Variants in TAS2R1 observed in about 807,000 individuals in gnomAD.
TAS2R1 encodes the protein taste receptor type 2 member 1.
For missense variants in TAS2R1, 370 were observed against 353.4 expected (o/e 1.05, Z -0.38); for synonymous variants, 141 against 134.2 (o/e 1.05, Z -0.35).
At chr5:9,633,165 G>A (rs1023917161), upstream of TAS2R1, among the ~76,000 whole-genome samples, 1 of 151,006 alleles carries the variant, frequency 6.6e-6, no homozygotes, top group Non-Finnish European at 1.5e-5. Context: ...ACTACTCTTA[G>A]GTAACTAGAT....
chr5:9,764,755 C>T, the TAS2R1 span, among the ~76,000 whole-genome samples: 2 of 152,138 alleles, frequency 1.3e-5, no homozygotes, highest in Non-Finnish European at 2.9e-5. Flanking sequence ...GCACAGGATA[C>T]AGCAATTTCA....
the TAS2R1 span, among the ~76,000 whole-genome samples, chr5:9,842,315 TC>T: frequency 1.8e-3 from 150 of 85,044 alleles, 2 homozygotes; most frequent in African/African-American, 2.4e-3. Flanking sequence ...TTTCTTTCTC[TC>T]TTTTTTTTTT....
chr5:9,776,208 C>T, the TAS2R1 span, among the ~76,000 whole-genome samples: 2 of 152,184 alleles, frequency 1.3e-5, no homozygotes, highest in Admixed American at 1.3e-4. Flanking sequence ...GTTTTGCTTT[C>T]CACTGTGACA....
chr5:9,692,566 C>T (rs1273094014), intron 1 of TAS2R1, among the ~76,000 whole-genome samples: 3 of 152,220 alleles, frequency 2.0e-5, no homozygotes, highest in Admixed American at 6.5e-5. Flanking sequence ...CTGCCATCTG[C>T]TTCCAGTAAG....
upstream of TAS2R1, among the ~76,000 whole-genome samples, chr5:9,631,542 A>T (rs528524408): frequency 6.6e-4 from 100 of 152,272 alleles, 1 homozygote; most frequent in South Asian, 1.5e-3. Context: ...ACTCCCAGCC[A>T]AGTTAGTTCT....
the TAS2R1 span, among the ~76,000 whole-genome samples, chr5:9,857,115 G>T: frequency 6.6e-6 from 1 of 152,198 alleles, no homozygotes; most frequent in Non-Finnish European, 1.5e-5. Context: ...GAAGCATAGA[G>T]TAGAATTGTG....
the TAS2R1 span, among the ~76,000 whole-genome samples, chr5:9,753,216 T>A: frequency 6.6e-6 from 1 of 152,226 alleles, no homozygotes; most frequent in Non-Finnish European, 1.5e-5. Context: ...ACCGGTTGTT[T>A]CCTGACATTT....
chr5:9,689,735 T>G (rs1328396047), intron 1 of TAS2R1, among the ~76,000 whole-genome samples: 1 of 152,052 alleles, frequency 6.6e-6, no homozygotes, highest in Non-Finnish European at 1.5e-5. Flanking sequence ...ATACTAAATA[T>G]TAAACGTTTT....
chr5:9,679,389 A>G (rs1386564317), intron 1 of TAS2R1, among the ~76,000 whole-genome samples: 1 of 152,258 alleles, frequency 6.6e-6, no homozygotes, highest in African/African-American at 2.4e-5. Flanking sequence ...GATCCCAGGA[A>G]GAAATTTAAA....
chr5:9,739,449 G>T, the TAS2R1 span, among the ~76,000 whole-genome samples: 4,935 of 152,236 alleles, frequency 0.032, 109 homozygotes, highest in Middle Eastern at 0.061. Context: ...TTTGAAAATG[G>T]AATTAATAAA....
At chr5:9,746,269 G>A in the TAS2R1 span, among the ~76,000 whole-genome samples, 3 of 152,164 alleles carry the variant, frequency 2.0e-5, no homozygotes, top group Non-Finnish European at 4.4e-5. Flanking sequence ...GGAAACAACA[G>A]GTGCTGGAGA....
intron 2 of TAS2R1, among the ~76,000 whole-genome samples, chr5:9,635,978 T>C (rs2126477802): frequency 6.6e-6 from 1 of 152,132 alleles, no homozygotes; most frequent in Non-Finnish European, 1.5e-5. Flanking sequence ...TTCTGCCAGG[T>C]TTGGGGTTTG....
At chr5:9,768,150 A>T in the TAS2R1 span, among the ~76,000 whole-genome samples, 1 of 151,826 alleles carries the variant, frequency 6.6e-6, no homozygotes, top group East Asian at 1.9e-4. Flanking sequence ...ATGCCAACAC[A>T]TCCCTCTCTG....
chr5:9,694,660 G>A lies in TAS2R1; in HGVS notation c.-242+17512C>T, dbSNP rs115396763. Among the ~76,000 whole-genome samples, 1,190 of 152,142 alleles carry A rather than the reference G, an allele frequency of 7.8e-3. 26 individuals carry two copies. Among genetic ancestry groups the A allele is most frequent in the African/African-American group, 0.027 (1,139 of 41,524 alleles). ...CATGTTACCTTATTTTAAATCTACC[G>A]TAACTCATGATATATTTTGCCAATA... On this transcript the variant is annotated intron_variant, in intron 1 of 2. Coordinates refer to the TAS2R1 transcript ENST00000506620.
the TAS2R1 span, among the ~76,000 whole-genome samples, chr5:9,745,927 C>G: frequency 6.6e-6 from 1 of 152,030 alleles, no homozygotes; most frequent in Non-Finnish European, 1.5e-5. Context: ...GGGATCTAAT[C>G]AAACTAAAGA....
chr5:9,656,410 C>T (rs555786230), intron 2 of TAS2R1, among the ~76,000 whole-genome samples: 21 of 152,290 alleles, frequency 1.4e-4, no homozygotes, highest in African/African-American at 4.3e-4. Flanking sequence ...CACATGATTA[C>T]GTCCAAGATC....
chr5:9,781,237 T>C, the TAS2R1 span, among the ~76,000 whole-genome samples: 1 of 152,312 alleles, frequency 6.6e-6, no homozygotes, highest in South Asian at 2.1e-4. Context: ...GACTTTTTGC[T>C]CTCATTTGGT....
At chr5:9,676,271 A>G (rs1156256502) in intron 1 of TAS2R1, among the ~76,000 whole-genome samples, 1 of 152,196 alleles carries the variant, frequency 6.6e-6, no homozygotes, top group Non-Finnish European at 1.5e-5. Context: ...TGAGGAAAAG[A>G]AAACTATATA....
intron 1 of TAS2R1, among the ~76,000 whole-genome samples, chr5:9,690,958 T>C (rs1304506561): frequency 1.3e-5 from 2 of 152,164 alleles, no homozygotes; most frequent in Admixed American, 6.5e-5. Flanking sequence ...CCCTTCTTTC[T>C]ACCAGGCCTC....
Sources: gnomAD v4.1 joint callset for allele counts (sites outside exome capture counted in the v4.1 genomes callset) on GRCh38, gnomAD v4.1.1 for gene constraint, MANE v1.5 for transcripts, NCBI Gene and HGNC (gene_info 2026-07-23, HGNC 2026-07-21) for gene names.